WWOX: variants seen among roughly 807,000 people sequenced by gnomAD.
WWOX encodes the protein WW domain containing oxidoreductase, also known as WW domain-containing oxidoreductase.
Under a neutral mutation model 46.2 loss-of-function variants are expected in WWOX, and 69 were observed. The ratio of observed to expected loss-of-function variants is 1.49; its 90% CI spans 1.23 to 1.82. The LOEUF (loss-of-function observed/expected upper bound fraction) is 1.82, where lower values mean the gene tolerates loss of function less well. Among genes scored for constraint, WWOX ranks in the 40% most tolerant of loss-of-function variants. WWOX has a pLI of 0.00. For synonymous variants in WWOX, 359 were observed against 202.6 expected (o/e 1.77, Z -6.56); for missense variants, 919 against 542.6 (o/e 1.69, Z -6.89).
chr16:78,801,501 C>A (rs916879169), intron 8 of WWOX, among the ~76,000 whole-genome samples: 4 of 152,100 alleles, frequency 2.6e-5, no homozygotes, highest in Non-Finnish European at 4.4e-5. Context: ...AAGGCTAGAC[C>A]CTATCTCAAA....
intron 8 of WWOX, among the ~76,000 whole-genome samples, chr16:79,028,939 G>A (rs529855524): frequency 1.3e-5 from 2 of 151,886 alleles, no homozygotes; most frequent in African/African-American, 2.4e-5. Flanking sequence ...TGACATTGAA[G>A]TTGGAGAAAA....
At chr16:78,316,446 G>A (rs1834066365) in intron 5 of WWOX, among the ~76,000 whole-genome samples, 1 of 151,990 alleles carries the variant, frequency 6.6e-6, no homozygotes, top group Non-Finnish European at 1.5e-5. Flanking sequence ...GGGTTCAAGC[G>A]ATTCTCCTGC....
At chr16:78,863,219 A>C (rs370408146) in intron 8 of WWOX, among the ~76,000 whole-genome samples, 1 of 152,072 alleles carries the variant, frequency 6.6e-6, no homozygotes, top group Non-Finnish European at 1.5e-5. Flanking sequence ...TGGCCTCCCA[A>C]AGTGCTAGGA....
intron 8 of WWOX, among the ~76,000 whole-genome samples, chr16:78,752,619 T>A (rs2049513539): frequency 6.6e-6 from 1 of 152,232 alleles, no homozygotes; most frequent in Non-Finnish European, 1.5e-5. Context: ...AGCAGATTTT[T>A]AAACTCACTT....
intron 8 of WWOX, among the ~76,000 whole-genome samples, chr16:78,628,287 A>G (rs550217225): frequency 6.6e-5 from 10 of 152,222 alleles, no homozygotes; most frequent in African/African-American, 2.2e-4. Context: ...TGTTTCCTGA[A>G]GTTTCCCTTT....
At chr16:78,774,943 C>T (rs913921428) in intron 8 of WWOX, among the ~76,000 whole-genome samples, 2 of 152,102 alleles carry the variant, frequency 1.3e-5, no homozygotes, top group African/African-American at 4.8e-5. Context: ...CATGGGGTCC[C>T]CTGTAGCAGA....
At chr16:78,759,354 A>G (rs907364262) in intron 8 of WWOX, among the ~76,000 whole-genome samples, 31 of 152,182 alleles carry the variant, frequency 2.0e-4, no homozygotes, top group African/African-American at 7.0e-4. Context: ...CAAGGCACAG[A>G]AAATATTCTT....
chr16:78,760,408 G>C (rs1304269208), intron 8 of WWOX, among the ~76,000 whole-genome samples: 1 of 152,102 alleles, frequency 6.6e-6, no homozygotes, highest in Non-Finnish European at 1.5e-5. Flanking sequence ...CCATATCAAG[G>C]TCCTTAACTT....
intron 8 of WWOX, among the ~76,000 whole-genome samples, chr16:79,093,743 T>A (rs2049012183): frequency 6.6e-6 from 1 of 152,216 alleles, no homozygotes; most frequent in South Asian, 2.1e-4. Context: ...AGATATTAGT[T>A]AAACTTGTTC....
chr16:79,129,952 C>CT (rs1223568902), intron 8 of WWOX, among the ~76,000 whole-genome samples: 13 of 152,194 alleles, frequency 8.5e-5, no homozygotes, highest in Admixed American at 7.2e-4. Context: ...CACTTTGCCA[C>CT]TTTAAGTCTC....
intron 8 of WWOX, among the ~76,000 whole-genome samples, chr16:79,039,503 T>G (rs2047931357): frequency 6.6e-6 from 1 of 152,154 alleles, no homozygotes; most frequent in Non-Finnish European, 1.5e-5. Context: ...AAAGGCTGAT[T>G]AGAAACAGTT....
At chr16:78,804,307 G>A (rs566535652) in intron 8 of WWOX, among the ~76,000 whole-genome samples, 1 of 152,112 alleles carries the variant, frequency 6.6e-6, no homozygotes, top group South Asian at 2.1e-4. Flanking sequence ...TCATTGAGAT[G>A]GGCCATTGAA....
intron 8 of WWOX, among the ~76,000 whole-genome samples, chr16:78,995,247 C>G (rs16949183): frequency 0.071 from 10,776 of 152,098 alleles, 851 homozygotes; most frequent in African/African-American, 0.18. Context: ...AATCCTTGCA[C>G]TGAAGCTTTT....
chr16:78,370,059 G>C (rs904848049), intron 5 of WWOX, among the ~76,000 whole-genome samples: 10 of 145,828 alleles, frequency 6.9e-5, no homozygotes, highest in Non-Finnish European at 1.3e-4. Flanking sequence ...TTCAGCTTGG[G>C]AGCTGGAGCT....
intron 8 of WWOX, among the ~76,000 whole-genome samples, chr16:78,433,507 C>G (rs1016304673): frequency 1.3e-5 from 2 of 152,148 alleles, no homozygotes; most frequent in African/African-American, 4.8e-5. Flanking sequence ...AAATGTCTTC[C>G]TATTAGTGGA....
chr16:78,128,034 G>A lies in WWOX; in HGVS notation c.409+12880G>A, dbSNP rs74027792. 4.0e-3 allele frequency among the ~76,000 whole-genome samples: 605 copies of A among 152,288 alleles called. 4 individuals are homozygous for A. The highest frequency in any genetic ancestry group is 0.014 in the African/African-American group (575 of 41,552). ...ATGTGTGAAATGCTGTAATGAAGAAGTCCAATAGTGTATGAATATAAGGTT... is the reference window on the plus strand; with the variant it reads ...ATGTGTGAAATGCTGTAATGAAGAAATCCAATAGTGTATGAATATAAGGTT... On this transcript the variant is annotated intron_variant, in intron 4 of 8. Coordinates refer to ENST00000566780, the MANE Select transcript of WWOX (RefSeq NM_016373.4).
At chr16:78,630,855 G>C (rs1208314142) in intron 8 of WWOX, among the ~76,000 whole-genome samples, 2 of 144,268 alleles carry the variant, frequency 1.4e-5, no homozygotes, top group African/African-American at 4.9e-5. Flanking sequence ...GTGAATGAAC[G>C]AAAGAGGCCA....
At chr16:79,134,720 G>A (rs1460358744) in intron 8 of WWOX, among the ~76,000 whole-genome samples, 3 of 152,190 alleles carry the variant, frequency 2.0e-5, no homozygotes, top group Non-Finnish European at 4.4e-5. Flanking sequence ...TTGGGGCTCA[G>A]AGAAATGAAG....
At chr16:78,634,868 G>GTA (rs1363669275) in intron 8 of WWOX, among the ~76,000 whole-genome samples, 1 of 151,722 alleles carries the variant, frequency 6.6e-6, no homozygotes, top group African/African-American at 2.4e-5. Flanking sequence ...GTGTGTGTGT[G>GTA]TGTGTGCGCG....
Sources: gnomAD v4.1 joint callset for allele counts (sites outside exome capture counted in the v4.1 genomes callset) on GRCh38, gnomAD v4.1.1 for gene constraint, MANE v1.5 for transcripts, NCBI Gene and HGNC (gene_info 2026-07-23, HGNC 2026-07-21) for gene names.